GABRB1: variants seen among roughly 807,000 people sequenced by gnomAD.
GABRB1 encodes the protein gamma-aminobutyric acid type A receptor subunit beta1, also known as gamma-aminobutyric acid receptor subunit beta-1.
GABRB1 carries 17 observed loss-of-function variants against 51.6 expected under a neutral mutation model. The ratio of observed to expected loss-of-function variants is 0.33; its 90% CI spans 0.23 to 0.49. The LOEUF is 0.49. Among genes scored for constraint, GABRB1 ranks in the 20% least tolerant of loss-of-function variants. The pLI is 0.99. For missense variants in GABRB1, 410 were observed against 600.6 expected, an observed-to-expected ratio of 0.68 and a Z score of 3.32; for synonymous variants, 247 against 218.9, an observed-to-expected ratio of 1.13 and a Z score of -1.14.
rs1003755009 is a variant in GABRB1 at position 47,340,833 on chromosome 4, T to C, written c.544+20624T>C. On this transcript the variant is annotated intron_variant, in intron 5 of 8. Transcript: ENST00000295454. ...AAAATTTTCACCATCTTTTCTATGA[T>C]AGCTGTGGTAGCGATGCCAAGTTGA... is the stretch of plus-strand genomic sequence containing the variant. Among the ~76,000 whole-genome samples the C allele has an allele frequency of 3.3e-5, 5 of 152,166 alleles. No homozygotes were observed. In the East Asian group the frequency reaches 5.8e-4, roughly 18 times the overall value.
intron 4 of GABRB1, among the ~76,000 whole-genome samples, chr4:47,195,210 CG>C (rs1453193515): frequency 3.3e-5 from 5 of 151,938 alleles, no homozygotes; most frequent in African/African-American, 1.2e-4. Context: ...ACTAAAAATA[CG>C]AAAAAATTAG....
At chr4:47,399,760 A>G (rs1319752446) in intron 5 of GABRB1, among the ~76,000 whole-genome samples, 1 of 152,270 alleles carries the variant, frequency 6.6e-6, no homozygotes, top group African/African-American at 2.4e-5. Flanking sequence ...CTTTATGCCT[A>G]TATTCTAGAT....
At chr4:47,220,853 A>G (rs1010425440) in intron 4 of GABRB1, among the ~76,000 whole-genome samples, 3 of 151,910 alleles carry the variant, frequency 2.0e-5, no homozygotes, top group Non-Finnish European at 4.4e-5. Flanking sequence ...CTTCTCTCCA[A>G]TTGAATCTAA....
intron 3 of GABRB1, among the ~76,000 whole-genome samples, chr4:47,151,686 C>A (rs1216325779): frequency 2.6e-5 from 4 of 151,990 alleles, no homozygotes; most frequent in Non-Finnish European, 5.9e-5. Context: ...ACACTAATAT[C>A]CTATGAACCT....
intron 3 of GABRB1, among the ~76,000 whole-genome samples, chr4:47,116,465 C>T (rs1313141472): frequency 6.6e-6 from 1 of 152,160 alleles, no homozygotes; most frequent in Non-Finnish European, 1.5e-5. Flanking sequence ...ATCACTATAA[C>T]ATAATGTTTA....
intron 3 of GABRB1, among the ~76,000 whole-genome samples, chr4:47,048,661 C>A (rs1469348730): frequency 1.3e-5 from 2 of 152,066 alleles, no homozygotes; most frequent in Non-Finnish European, 2.9e-5. Context: ...TACTTTATAT[C>A]AGTTTTTACA....
chr4:47,422,674 A>G (rs1404990226), intron 8 of GABRB1, among the ~76,000 whole-genome samples: 1 of 152,126 alleles, frequency 6.6e-6, no homozygotes, highest in African/African-American at 2.4e-5. Context: ...TCCCACTCCT[A>G]AAATAATCTC....
chr4:47,112,153 T>C (rs747759204), intron 3 of GABRB1, among the ~76,000 whole-genome samples: 1 of 151,510 alleles, frequency 6.6e-6, no homozygotes, highest in Non-Finnish European at 1.5e-5. Flanking sequence ...TTGTTTTTTC[T>C]TGTTTGTTTG....
chr4:47,111,584 C>T (rs902184380), intron 3 of GABRB1, among the ~76,000 whole-genome samples: 2 of 152,074 alleles, frequency 1.3e-5, no homozygotes, highest in Non-Finnish European at 2.9e-5. Flanking sequence ...CCATTGCAGG[C>T]CAAGCATGGT....
intron 1 of GABRB1, among the ~76,000 whole-genome samples, chr4:47,013,953 G>T (rs533811333): frequency 1.0e-3 from 153 of 152,094 alleles, no homozygotes; most frequent in African/African-American, 3.5e-3. Flanking sequence ...TGTTTTTTCT[G>T]TCTTGTCCAA....
intron 4 of GABRB1, among the ~76,000 whole-genome samples, chr4:47,290,749 C>G (rs932605057): frequency 6.6e-6 from 1 of 152,114 alleles, no homozygotes; most frequent in African/African-American, 2.4e-5. Context: ...CATTTTGCCC[C>G]TGCCCTAGAG....
intron 5 of GABRB1, among the ~76,000 whole-genome samples, chr4:47,328,593 A>G (rs1291762886): frequency 2.6e-5 from 4 of 152,220 alleles, no homozygotes; most frequent in African/African-American, 9.6e-5. Flanking sequence ...AGCCATAAAA[A>G]ATGATGAGTT....
In GABRB1 at chr4:47,297,629, CA is replaced by C. The variant is rs1560320498; in HGVS notation, c.462-22493del. Among the ~76,000 whole-genome samples, 11 of 152,142 alleles carry C rather than the reference CA, an allele frequency of 7.2e-5. No homozygotes were observed. The East Asian group carries it at 2.1e-3, about 29-fold the overall frequency. ...TGGTAATAATCAATAGCTTACCAACCAAAAAGAGTCCAGGACCAGATGGATT... is the reference window on the plus strand; with the variant it reads ...TGGTAATAATCAATAGCTTACCAACCAAAAGAGTCCAGGACCAGATGGATT... On this transcript the variant is annotated intron_variant, in intron 4 of 8. Coordinates refer to ENST00000295454, the MANE Select transcript of GABRB1 (RefSeq NM_000812.4).
At chr4:47,376,105 G>A (rs939781109) in intron 5 of GABRB1, among the ~76,000 whole-genome samples, 2 of 152,170 alleles carry the variant, frequency 1.3e-5, no homozygotes, top group African/African-American at 2.4e-5. Context: ...TAAACCAAGA[G>A]TGGAAATACT....
chr4:47,312,937 G>A (rs1274087125), intron 4 of GABRB1, among the ~76,000 whole-genome samples: 2 of 152,060 alleles, frequency 1.3e-5, no homozygotes, highest in African/African-American at 2.4e-5. Context: ...TCAGCAATTA[G>A]AATCATGCCA....
intron 5 of GABRB1, among the ~76,000 whole-genome samples, chr4:47,385,922 G>C (rs1006695507): frequency 6.6e-6 from 1 of 152,164 alleles, no homozygotes; most frequent in South Asian, 2.1e-4. Flanking sequence ...CCAGATGAAA[G>C]AGACACATAG....
At chr4:47,189,121 TGAA>T (rs1719321337) in intron 4 of GABRB1, among the ~76,000 whole-genome samples, 3 of 151,900 alleles carry the variant, frequency 2.0e-5, no homozygotes, top group African/African-American at 7.2e-5. Context: ...TAGAGATTTT[TGAA>T]GAAGGTGACA....
At chr4:47,166,670 T>C (rs1379608799) in intron 4 of GABRB1, among the ~76,000 whole-genome samples, 1 of 152,100 alleles carries the variant, frequency 6.6e-6, no homozygotes, top group Non-Finnish European at 1.5e-5. Flanking sequence ...TTTGATTGCA[T>C]GAGGGGTGTA....
At chr4:47,152,457 A>G (rs1717500965) in intron 3 of GABRB1, among the ~76,000 whole-genome samples, 1 of 151,986 alleles carries the variant, frequency 6.6e-6, no homozygotes, top group African/African-American at 2.4e-5. Context: ...GAGTTGTGGG[A>G]GCTCAAAAGA....
Sources: allele counts gnomAD v4.1 joint callset (sites outside exome capture counted in the v4.1 genomes callset), GRCh38; gene constraint gnomAD v4.1.1; transcripts MANE v1.5; gene names NCBI Gene and HGNC (gene_info 2026-07-23, HGNC 2026-07-21).